The following UVSSA variants were observed in gnomAD, a reference collection of about 807,000 sequenced individuals.
UVSSA encodes UV stimulated scaffold protein A.
UVSSA carries 72 observed loss-of-function variants against 73.9 expected under a neutral mutation model. The observed-to-expected ratio is 0.97, with a 90% CI of 0.81 to 1.19. UVSSA has a LOEUF of 1.19. Among genes scored for constraint, UVSSA ranks in the 50% most tolerant of loss-of-function variants. The pLI is 0.00. For synonymous variants in UVSSA, 454 were observed against 391.3 expected (o/e 1.16, Z -1.89); for missense variants, 1,150 against 965.0 (o/e 1.19, Z -2.54).
At chr4:1,395,983 C>G (rs970076496) in exon 14 of UVSSA, 1 of 1,436,396 alleles carries the variant, frequency 7.0e-7, no homozygotes. Flanking sequence ...AAAAGACAAA[C>G]CTGTGACTCA....
At chr4:1,360,406 G>A (rs547961564) in intron 7 of UVSSA, among the ~76,000 whole-genome samples, 1 of 152,308 alleles carries the variant, frequency 6.6e-6, no homozygotes, top group South Asian at 2.1e-4. Context: ...TACCCCTTTC[G>A]TTTGGAAAGC....
Position 1,387,864 on chromosome 4 carries a change from G to C in UVSSA, c.*1903G>C, listed in dbSNP as rs940356797. ...GCTTTGTTGTGAGAAGTTTTACTTT[G>C]TTCTGCTTCAAGGCTGTTTTGACTC... On this transcript the variant is annotated 3_prime_UTR_variant, in exon 14 of 14. Coordinates refer to ENST00000389851, the MANE Select transcript of UVSSA (RefSeq NM_020894.4). 2 of 150,066 alleles carry C rather than the reference G, an allele frequency of 1.3e-5. No homozygotes were observed. The highest frequency in any genetic ancestry group is 3.0e-5 in the Non-Finnish European group (2 of 67,700). The allele number at this position is 150,066 out of a possible 1,614,324, so 9.3% of individuals were successfully genotyped here. A position where few individuals can be genotyped will look rare whatever the true frequency, so the allele number is the denominator to read the frequency against.
intron 10 of UVSSA, among the ~76,000 whole-genome samples, chr4:1,378,379 C>G (rs967782168): frequency 2.0e-5 from 3 of 152,188 alleles, no homozygotes; most frequent in Non-Finnish European, 4.4e-5. Context: ...ATGACAAAAC[C>G]CCATCACTAC....
Position 1,366,323 on chromosome 4 carries a change from G to T in UVSSA, c.1180G>T (p.Glu394Ter). 1.2e-6 allele frequency: 2 copies of T among 1,611,024 alleles called. No homozygotes were observed. Among genetic ancestry groups the T allele is most frequent in the Non-Finnish European group, 1.7e-6 (2 of 1,178,460 alleles). Residue 394 changes from glutamate (E) to a stop codon, truncating the protein, a stop_gained, in exon 8 of 14, where the codon GAA becomes TAA. Transcript: ENST00000389851. LOFTEE classifies it high-confidence loss of function. ...GTATTGGGGTGTTTTTCCACAGACA[G>T]AAGCCCTGGGGGATGCGGAGGAAGA... ...EPEGGERRRT[E>*]ALGDAEEDED... is the part of the protein sequence containing the mutation.
At chr4:1,370,320 G>C (rs1242420570) in intron 8 of UVSSA, among the ~76,000 whole-genome samples, 1 of 152,204 alleles carries the variant, frequency 6.6e-6, no homozygotes, top group Non-Finnish European at 1.5e-5. Context: ...TGTATTGCCG[G>C]AATACTGAGG....
chr4:1,364,337 CG>C (rs1293684008), intron 7 of UVSSA, among the ~76,000 whole-genome samples: 1 of 84,056 alleles, frequency 1.2e-5, no homozygotes, highest in Non-Finnish European at 2.4e-5. Context: ...GCCACCTCCC[CG>C]CACGGTGCTG....
At chr4:1,360,323 C>T (rs1000526027) in intron 7 of UVSSA, among the ~76,000 whole-genome samples, 6 of 152,260 alleles carry the variant, frequency 3.9e-5, no homozygotes, top group Non-Finnish European at 7.3e-5. Flanking sequence ...CACCGTCCCT[C>T]AGTACCTGTC....
At chr4:1,383,987 T>G in intron 13 of UVSSA, 47 bp downstream of exon 13, 1 of 1,561,512 alleles carries the variant, frequency 6.4e-7, no homozygotes, top group Non-Finnish European at 8.7e-7. Flanking sequence ...CCCCCCCGTG[T>G]GAGGGTGTTC....
chr4:1,358,055 A>T (rs1716051511), intron 7 of UVSSA: 1 of 152,338 alleles, frequency 6.6e-6, no homozygotes, highest in Non-Finnish European at 1.5e-5. Context: ...AGCCGCCAGC[A>T]CTGTCCCTCC....
chr4:1,349,503 C>G (rs571987196), intron 2 of UVSSA, 21 bp from the exon 3 acceptor site: 1 of 1,604,912 alleles, frequency 6.2e-7, no homozygotes, highest in African/African-American at 1.3e-5. Context: ...GCAGTTGGGT[C>G]AGGCCAGCTC....
chr4:1,366,014 G>A (rs1007983852), intron 7 of UVSSA: 4 of 220,732 alleles, frequency 1.8e-5, no homozygotes, highest in Non-Finnish European at 2.7e-5. Context: ...CCGGTGTGAC[G>A]CCATTCCACA....
downstream of UVSSA, chr4:1,392,259 G>C (rs1720428517): frequency 6.6e-6 from 1 of 152,166 alleles, no homozygotes. Context: ...CTACCTTTTA[G>C]ATTGTAAGTC....
chr4:1,355,687 G>A (rs1715620468), intron 7 of UVSSA, among the ~76,000 whole-genome samples: 2 of 152,222 alleles, frequency 1.3e-5, no homozygotes, highest in South Asian at 4.1e-4. Context: ...GTGAAGACTT[G>A]GGTTACTGTC....
rs143509490 is a variant in UVSSA at position 1,354,788 on chromosome 4, C to T, written c.988C>T (p.Arg330Cys). ...CAACCTTGCTCTCATCCACGCCGCCCGCGACACACTCAAGCTCATCCGGAA... is the reference window on the plus strand; with the variant it reads ...CAACCTTGCTCTCATCCACGCCGCCTGCGACACACTCAAGCTCATCCGGAA... ...EDNLALIHAA[R>C]DTLKLIRNKF... Residue 330 changes from arginine (R) to cysteine (C), a missense_variant, in exon 6 of 14, where the codon CGC becomes TGC. Arg to Cys is a radical substitution (Grantham distance 180). Transcript: ENST00000389851. 296 of 1,613,530 alleles carry T rather than the reference C, an allele frequency of 1.8e-4. No individual in the cohort carries two copies. The African/African-American group carries it at 3.1e-3, about 17-fold the overall frequency.
At position 1,383,761 on chromosome 4, in the gene UVSSA, T is replaced by C; in HGVS notation, c.1862-5T>C. On this transcript the variant is annotated splice_polypyrimidine_tract_variant and splice_region_variant and intron_variant, in intron 12 of 13. Coordinates refer to ENST00000389851, the MANE Select transcript of UVSSA (RefSeq NM_020894.4). ...TCTCCTGAAGTGCTTGAGTTTTGTTTGCAGAATGGCAGGACCCTGAGTTGA... is the reference window on the plus strand; with the variant it reads ...TCTCCTGAAGTGCTTGAGTTTTGTTCGCAGAATGGCAGGACCCTGAGTTGA... The C allele has an allele frequency of 6.2e-7, 1 of 1,613,086 alleles. No individual in the cohort carries two copies. The highest frequency in any genetic ancestry group is 8.5e-7 in the Non-Finnish European group (1 of 1,179,948).
chr4:1,356,373 C>G lies in UVSSA; in HGVS notation c.1176+1128C>G, dbSNP rs577246761. ...GCGTCCCCAACGTGGTGGTGTGCAGCCCCCCCAGGGGCCAGCAGAGGGCGA... is the reference window on the plus strand; with the variant it reads ...GCGTCCCCAACGTGGTGGTGTGCAGGCCCCCCAGGGGCCAGCAGAGGGCGA... On this transcript the variant is annotated intron_variant, in intron 7 of 13. Coordinates refer to ENST00000389851, the MANE Select transcript of UVSSA (RefSeq NM_020894.4). 1.4e-4 allele frequency among the ~76,000 whole-genome samples: 21 copies of G among 152,154 alleles called. No homozygotes were observed. The South Asian group carries it at 4.1e-3, about 30-fold the overall frequency.
In UVSSA at chr4:1,380,162, C is replaced by T. The variant is rs1719301533; in HGVS notation, c.1684C>T (p.Pro562Ser). ...RHITFAGKFE[P>S]VQHWCRAPRP... ...CATCACTTTTGCCGGGAAGTTTGAG[C>T]CTGTGCAGCACTGGTGCCGTGCCCC... The change falls in exon 11 of 14, where the codon CCT (proline) becomes TCT (serine). Residue 562 changes from proline (P) to serine (S), a missense_variant. Physicochemically the swap from Pro to Ser is moderately conservative, Grantham distance 74. Coordinates refer to ENST00000389851, the MANE Select transcript of UVSSA (RefSeq NM_020894.4). 1.2e-6 allele frequency: 2 copies of T among 1,613,200 alleles called. No individual in the cohort carries two copies. Among genetic ancestry groups the T allele is most frequent in the Non-Finnish European group, 8.5e-7 (1 of 1,180,012 alleles).
chr4:1,353,404 C>T lies in UVSSA; in HGVS notation c.925C>T (p.Leu309Phe), dbSNP rs1314005469. The change falls in exon 5 of 14, where the codon CTC (leucine) becomes TTC (phenylalanine). Residue 309 changes from leucine to phenylalanine, a missense_variant. By Grantham distance (22) the Leu-to-Phe change is conservative. Transcript: ENST00000389851. ...GCACAAGTACACGCTGGATGTGGAG[C>T]TCTGCTCAGGTAACTGCCTTCGCGG... is the stretch of plus-strand genomic sequence containing the variant. ...GSHKYTLDVELCSEGLKVQEN... is the reference protein window; with the variant it reads ...GSHKYTLDVEFCSEGLKVQEN... 3.8e-6 allele frequency: 6 copies of T among 1,559,624 alleles called. No homozygotes were observed. In the South Asian group the frequency reaches 5.9e-5, roughly 15 times the overall value.
chr4:1,393,578 A>ATAGAT (rs1553889247), exon 14 of UVSSA: 2 of 90,536 alleles, frequency 2.2e-5, no homozygotes, highest in African/African-American at 4.5e-5. Context: ...GATAGATTAG[A>ATAGAT]TAGATAGATA....
Sources: allele counts gnomAD v4.1 joint callset (sites outside exome capture counted in the v4.1 genomes callset), GRCh38; gene constraint gnomAD v4.1.1; transcripts MANE v1.5; gene names NCBI Gene and HGNC (gene_info 2026-07-23, HGNC 2026-07-21).